Variants in NIBAN1 observed in about 807,000 individuals in gnomAD.
NIBAN1 encodes protein Niban 1.
In NIBAN1, 81 loss-of-function variants were observed where a neutral mutation model predicts 75.1. The observed-to-expected ratio is 1.08, with a 90% CI of 0.90 to 1.30. The LOEUF (loss-of-function observed/expected upper bound fraction) is 1.30. Ranked by LOEUF, NIBAN1 falls within the 50% of genes most tolerant of loss-of-function variation. The probability of loss-of-function intolerance (pLI) is 0.00; values close to 1 mark genes in which losing one functional copy is unlikely to be tolerated. For missense variants in NIBAN1, 1,133 were observed against 1,128.1 expected (o/e 1.00, Z -0.06); for synonymous variants, 436 against 424.8 (o/e 1.03, Z -0.32).
chr1:184,885,549 G>A (rs150957125), intron 4 of NIBAN1, among the ~76,000 whole-genome samples: 4 of 152,234 alleles, frequency 2.6e-5, no homozygotes, highest in South Asian at 4.1e-4. Flanking sequence ...CTGCCCCTCT[G>A]CAGGCCACTG....
chr1:184,831,949 C>T lies in NIBAN1; in HGVS notation c.615G>A (p.Gln205=), dbSNP rs189247737. 5.8e-5 allele frequency: 93 copies of T among 1,613,276 alleles called. No homozygotes were observed. The African/African-American group carries it at 9.5e-4, about 16-fold the overall frequency. The change falls in exon 6 of 14, where the codon CAG becomes CAA. Residue 205 remains glutamine, a synonymous_variant. Coordinates refer to ENST00000367511, the MANE Select transcript of NIBAN1 (RefSeq NM_052966.4). ...VRHLNHDYMK[Q]MTFEAQAFLE... Reference sequence around the variant, plus strand: ...AAAAGGCTTGGGCTTCAAATGTCATCTGCTTCATGTAATCTAAAGAAAAGA... The same window carrying T: ...AAAAGGCTTGGGCTTCAAATGTCATTTGCTTCATGTAATCTAAAGAAAAGA...
chr1:184,800,632 C>G (rs1412227656), intron 12 of NIBAN1, among the ~76,000 whole-genome samples: 4 of 151,878 alleles, frequency 2.6e-5, no homozygotes, highest in Admixed American at 6.6e-5. Flanking sequence ...AATCCTTTCC[C>G]CATTGCTTGT....
chr1:184,893,384 A>G (rs1247106721), intron 3 of NIBAN1, among the ~76,000 whole-genome samples: 3 of 152,188 alleles, frequency 2.0e-5, no homozygotes, highest in Non-Finnish European at 4.4e-5. Flanking sequence ...ACCTTCCTAC[A>G]TAAGGAAAGA....
chr1:184,807,261 C>T lies in NIBAN1; in HGVS notation c.1335+813G>A, dbSNP rs148887975. ...GTACCCCTTATTCATTTAGGAAACA[C>T]TATAATACGGAAGGAGTTTGTGCTA... On this transcript the variant is annotated intron_variant, in intron 10 of 13. Coordinates refer to ENST00000367511, the MANE Select transcript of NIBAN1 (RefSeq NM_052966.4). Among the ~76,000 whole-genome samples the T allele has an allele frequency of 3.0e-3, 453 of 150,214 alleles. 5 individuals are homozygous for T. In the East Asian group the frequency reaches 0.039, roughly 13 times the overall value.
chr1:184,922,518 C>G (rs573675251), intron 1 of NIBAN1, among the ~76,000 whole-genome samples: 4 of 152,176 alleles, frequency 2.6e-5, no homozygotes, highest in African/African-American at 9.6e-5. Flanking sequence ...GGCACCTTTT[C>G]ATGTACCTGT....
At position 184,899,199 on chromosome 1, in the gene NIBAN1, A is replaced by G; in HGVS notation, c.166T>C (p.Ser56Pro). Reference sequence around the variant, plus strand: ...CTTACCTTGGTCTTCAAAAACTGTGACGTTAAATCTCTTTGCTGTTCTACT... The same window carrying G: ...CTTACCTTGGTCTTCAAAAACTGTGGCGTTAAATCTCTTTGCTGTTCTACT... ...TEVEQQRDLT[S>P]QFLKTKPPLA... Residue 56 changes from serine to proline, a missense_variant, in exon 2 of 14, where the codon TCA (serine) becomes CCA (proline). By Grantham distance (74) the Ser-to-Pro change is moderately conservative. Transcript: ENST00000367511. 6.2e-7 allele frequency: 1 copy of G among 1,613,930 alleles called. No homozygotes were observed. The highest frequency in any genetic ancestry group is 8.5e-7 in the Non-Finnish European group (1 of 1,179,834).
Position 184,842,130 on chromosome 1 carries a change from C to T in NIBAN1, c.602-10168G>A, listed in dbSNP as rs147336019. On this transcript the variant is annotated intron_variant, in intron 5 of 13. Coordinates refer to ENST00000367511, the MANE Select transcript of NIBAN1 (RefSeq NM_052966.4). ...TAAAGTTCTTCTAAATTTGAAATTT[C>T]ATGGTTACAAACAAACCCAGGTTGC... Among the ~76,000 whole-genome samples the T allele has an allele frequency of 3.3e-5, 5 of 152,296 alleles. No homozygotes were observed. In the East Asian group the frequency reaches 9.6e-4, roughly 29 times the overall value.
At position 184,793,202 on chromosome 1, in the gene NIBAN1, C is replaced by T. The variant is rs576206873; in HGVS notation, c.*1775G>A. 9.9e-5 allele frequency: 15 copies of T among 152,150 alleles called. No homozygotes were observed. Among genetic ancestry groups the T allele is most frequent in the Admixed American group, 8.5e-4 (13 of 15,278 alleles). 9.4% of individuals were successfully genotyped at this position (152,150 alleles called of 1,614,324 possible). A position where few individuals can be genotyped will look rare whatever the true frequency, so the allele number is the denominator to read the frequency against. ...TGAAGCAAATGCTCTAAAGAACTGA[C>T]ATAAATTTACTCGATAGTGATGATC... On this transcript the variant is annotated 3_prime_UTR_variant, in exon 14 of 14. Transcript: ENST00000367511.
intron 5 of NIBAN1, among the ~76,000 whole-genome samples, chr1:184,833,123 G>A (rs1206779253): frequency 6.6e-6 from 1 of 151,692 alleles, no homozygotes; most frequent in Non-Finnish European, 1.5e-5. Flanking sequence ...CAGCTGATTT[G>A]GGGGGTGAGG....
intron 2 of NIBAN1, among the ~76,000 whole-genome samples, chr1:184,895,095 T>C (rs1571554258): frequency 2.0e-5 from 3 of 152,014 alleles, no homozygotes; most frequent in Admixed American, 1.3e-4. Flanking sequence ...AGAAAAAAAA[T>C]AGATATGCCA....
At chr1:184,835,639 CTGTT>C (rs1361889654) in intron 5 of NIBAN1, among the ~76,000 whole-genome samples, 2 of 152,172 alleles carry the variant, frequency 1.3e-5, no homozygotes, top group East Asian at 1.9e-4. Flanking sequence ...ATTTGGCTCT[CTGTT>C]TGTCTGTTAT....
At position 184,794,957 on chromosome 1, in the gene NIBAN1, C is replaced by G. The variant is rs780813890; in HGVS notation, c.*20G>C. 2.5e-6 allele frequency: 4 copies of G among 1,604,894 alleles called. No individual in the cohort carries two copies. The highest frequency in any genetic ancestry group is 1.7e-5 in the Admixed American group (1 of 59,990). ...CCCTTTGGCTTTTTTCAGAGAAAGA[C>G]TTCAGCCAAATTGTCCCTTTCACTC... On this transcript the variant is annotated 3_prime_UTR_variant, in exon 14 of 14. Coordinates refer to ENST00000367511, the MANE Select transcript of NIBAN1 (RefSeq NM_052966.4).
chr1:184,836,492 A>C (rs1237481643), intron 5 of NIBAN1, among the ~76,000 whole-genome samples: 1 of 152,216 alleles, frequency 6.6e-6, no homozygotes, highest in East Asian at 1.9e-4. Context: ...CTGTATCTAT[A>C]TCAAAGCAAA....
chr1:184,905,998 G>A (rs983025824), intron 1 of NIBAN1, among the ~76,000 whole-genome samples: 1 of 152,064 alleles, frequency 6.6e-6, no homozygotes, highest in African/African-American at 2.4e-5. Context: ...AGCACTTGGG[G>A]AGGCCGAGAT....
intron 5 of NIBAN1, among the ~76,000 whole-genome samples, chr1:184,833,367 C>A (rs1463828201): frequency 6.6e-6 from 1 of 151,318 alleles, no homozygotes; most frequent in Non-Finnish European, 1.5e-5. Context: ...AAACTATTCA[C>A]AGTGAGGATA....
At chr1:184,962,766 C>A (rs995431215) in intron 1 of NIBAN1, among the ~76,000 whole-genome samples, 4 of 152,118 alleles carry the variant, frequency 2.6e-5, no homozygotes, top group African/African-American at 9.7e-5. Context: ...ATAAGAATTA[C>A]AATGGGATTT....
intron 2 of NIBAN1, among the ~76,000 whole-genome samples, chr1:184,898,147 T>C (rs1450356238): frequency 2.0e-5 from 3 of 152,202 alleles, no homozygotes; most frequent in Non-Finnish European, 4.4e-5. Flanking sequence ...CCTCCCTTGC[T>C]CACAGTGCTC....
intron 9 of NIBAN1, among the ~76,000 whole-genome samples, chr1:184,810,382 A>G (rs1312619874): frequency 6.6e-6 from 1 of 152,174 alleles, no homozygotes; most frequent in Non-Finnish European, 1.5e-5. Flanking sequence ...GAGAATTTGC[A>G]TTTTTAACAA....
At chr1:184,918,902 A>G (rs1462781740) in intron 1 of NIBAN1, among the ~76,000 whole-genome samples, 1 of 151,830 alleles carries the variant, frequency 6.6e-6, no homozygotes, top group Non-Finnish European at 1.5e-5. Flanking sequence ...TTCCCTGTCC[A>G]CCCTCCCAAC....
Sources: allele counts gnomAD v4.1 joint callset (sites outside exome capture counted in the v4.1 genomes callset), GRCh38; gene constraint gnomAD v4.1.1; transcripts MANE v1.5; gene names NCBI Gene and HGNC (gene_info 2026-07-23, HGNC 2026-07-21).